EGLN1: variants seen among roughly 807,000 people sequenced by gnomAD.
The protein encoded by EGLN1 is egl nine homolog 1.
EGLN1 carries 17 observed loss-of-function variants against 38.3 expected under a neutral mutation model. That is an observed-to-expected ratio of 0.44 (90% CI 0.30 to 0.67). The LOEUF is 0.67. Ranked by LOEUF, EGLN1 falls within the 30% of genes least tolerant of loss-of-function variation. The pLI is 0.08. For synonymous variants in EGLN1, 283 were observed against 257.5 expected, an observed-to-expected ratio of 1.10 and a Z score of -0.95; for missense variants, 477 against 603.3, an observed-to-expected ratio of 0.79 and a Z score of 2.19.
At position 231,388,758 on chromosome 1, in the gene EGLN1, G is replaced by A. The variant is rs536101506; in HGVS notation, c.892-14659C>T. Reference sequence around the variant, plus strand: ...CAACCTCCGCCTCCTGAGTTCAAGCGATTCTCCTGCCTCAGCCTCCCAAGC... The same window carrying A: ...CAACCTCCGCCTCCTGAGTTCAAGCAATTCTCCTGCCTCAGCCTCCCAAGC... On this transcript the variant is annotated intron_variant, in intron 1 of 4. Coordinates refer to ENST00000366641, the MANE Select transcript of EGLN1 (RefSeq NM_022051.3). 2.0e-5 allele frequency among the ~76,000 whole-genome samples: 3 copies of A among 152,144 alleles called. No individual in the cohort carries two copies. The South Asian group carries it at 6.2e-4, about 32-fold the overall frequency.
intron 4 of EGLN1, 77 bp downstream of exon 4, chr1:231,367,492 G>T: frequency 1.4e-6 from 2 of 1,399,836 alleles, no homozygotes; most frequent in Non-Finnish European, 2.0e-6. Flanking sequence ...CAAAGACTAT[G>T]CTTGAGTTTC....
At position 231,366,610 on chromosome 1, in the gene EGLN1, T is replaced by C. The variant is rs1343554622; in HGVS notation, c.1217-135A>G. The C allele has an allele frequency of 4.5e-6, 4 of 898,218 alleles. No individual in the cohort carries two copies. The African/African-American group carries it at 5.1e-5, about 11-fold the overall frequency. The allele number at this position is 898,218 out of a possible 1,614,324, so 55.6% of individuals were successfully genotyped here. ...AAACATCATCTGAGAACTATCACGC[T>C]TGTACTTCCAAAAACTTCCCTCAGC... On this transcript the variant is annotated intron_variant, in intron 4 of 4. Coordinates refer to ENST00000366641, the MANE Select transcript of EGLN1 (RefSeq NM_022051.3).
rs553102011 is a variant in EGLN1 at position 231,389,415 on chromosome 1, T to A, written c.892-15316A>T. On this transcript the variant is annotated intron_variant, in intron 1 of 4. Transcript: ENST00000366641. Reference sequence around the variant, plus strand: ...CGAACGTTGACAAAATGAAAAAAAATTTTTTTTTAAAGAAAAGTGGCCAAA... The same window carrying A: ...CGAACGTTGACAAAATGAAAAAAAAATTTTTTTTAAAGAAAAGTGGCCAAA... Among the ~76,000 whole-genome samples the A allele has an allele frequency of 1.9e-3, 268 of 140,988 alleles. 2 individuals are homozygous for A. The highest frequency in any genetic ancestry group is 7.8e-3 in the African/African-American group (251 of 32,310). The allele number at this position is 140,988 out of a possible 152,430, so 92.5% of individuals were successfully genotyped here. A position where few individuals can be genotyped will look rare whatever the true frequency, so the allele number is the denominator to read the frequency against.
intron 1 of EGLN1, among the ~76,000 whole-genome samples, chr1:231,391,088 T>G (rs58266664): frequency 0.044 from 1,514 of 34,352 alleles, 119 homozygotes; most frequent in African/African-American, 0.091. Context: ...ATTCTGTTTT[T>G]TTTTTGTGTG....
intron 1 of EGLN1, among the ~76,000 whole-genome samples, chr1:231,376,629 G>T (rs1022670298): frequency 2.6e-5 from 4 of 152,024 alleles, no homozygotes; most frequent in Admixed American, 6.6e-5. Context: ...GATAAGAGGG[G>T]ACTATTGTAC....
At chr1:231,394,002 T>C (rs1228321761) in intron 1 of EGLN1, among the ~76,000 whole-genome samples, 2 of 152,224 alleles carry the variant, frequency 1.3e-5, no homozygotes, top group Admixed American at 6.5e-5. Context: ...TCAGGATATG[T>C]AGCCTTTTCA....
At chr1:231,397,293 A>T (rs900467237) in intron 1 of EGLN1, among the ~76,000 whole-genome samples, 4 of 152,238 alleles carry the variant, frequency 2.6e-5, no homozygotes, top group Non-Finnish European at 4.4e-5. Context: ...TTATGTTATT[A>T]AAAGAATGTT....
chr1:231,401,165 A>T (rs891420504), intron 1 of EGLN1, among the ~76,000 whole-genome samples: 1 of 152,200 alleles, frequency 6.6e-6, no homozygotes, highest in Non-Finnish European at 1.5e-5. Context: ...TTAACTTCAC[A>T]TGTCTTAGCT....
At chr1:231,400,306 T>C (rs931312085) in intron 1 of EGLN1, among the ~76,000 whole-genome samples, 5 of 34,876 alleles carry the variant, frequency 1.4e-4, no homozygotes, top group Non-Finnish European at 2.4e-4. Flanking sequence ...ATAGTAGGTA[T>C]ATATATATTT....
At chr1:231,406,159 C>G (rs1266852489) in intron 1 of EGLN1, among the ~76,000 whole-genome samples, 1 of 62,136 alleles carries the variant, frequency 1.6e-5, no homozygotes, top group Non-Finnish European at 4.0e-5. Flanking sequence ...CAGAGAGACT[C>G]CGTCTCAAAA....
intron 1 of EGLN1, among the ~76,000 whole-genome samples, chr1:231,384,257 G>A (rs555492117): frequency 7.9e-5 from 12 of 152,170 alleles, no homozygotes; most frequent in Admixed American, 1.3e-4. Flanking sequence ...GTCAGGCACT[G>A]TTCTAGATCT....
At chr1:231,404,612 T>TA (rs376694281) in intron 1 of EGLN1, among the ~76,000 whole-genome samples, 1,635 of 150,554 alleles carry the variant, frequency 0.011, 22 homozygotes, top group African/African-American at 0.037. Context: ...ACCCCGTCTC[T>TA]AAAAAAAAAA....
intron 1 of EGLN1, among the ~76,000 whole-genome samples, chr1:231,385,243 G>A (rs933897180): frequency 1.3e-5 from 2 of 152,222 alleles, no homozygotes; most frequent in African/African-American, 4.8e-5. Context: ...CTGGACAATG[G>A]GAGAGATCAG....
chr1:231,416,346 C>T (rs1368904133), intron 1 of EGLN1, among the ~76,000 whole-genome samples: 2 of 151,890 alleles, frequency 1.3e-5, no homozygotes, highest in Non-Finnish European at 2.9e-5. Flanking sequence ...TTATCATCTC[C>T]TCCTCCTCCA....
At chr1:231,394,395 T>TC (rs1190275760) in intron 1 of EGLN1, among the ~76,000 whole-genome samples, 1 of 151,708 alleles carries the variant, frequency 6.6e-6, no homozygotes, top group African/African-American at 2.4e-5. Context: ...TTTTTTTTTT[T>TC]TGAGACGGAG....
At chr1:231,406,212 A>T (rs1167448036) in intron 1 of EGLN1, among the ~76,000 whole-genome samples, 2 of 151,332 alleles carry the variant, frequency 1.3e-5, no homozygotes, top group African/African-American at 4.9e-5. Flanking sequence ...TGCCAGTTAC[A>T]AGGAAAAACA....
chr1:231,395,824 C>T (rs1688510071), intron 1 of EGLN1, among the ~76,000 whole-genome samples: 1 of 152,086 alleles, frequency 6.6e-6, no homozygotes, highest in Non-Finnish European at 1.5e-5. Flanking sequence ...CATGCCAGAC[C>T]TACTGATTCA....
chr1:231,392,657 G>A (rs1688422407), intron 1 of EGLN1, among the ~76,000 whole-genome samples: 1 of 152,136 alleles, frequency 6.6e-6, no homozygotes, highest in African/African-American at 2.4e-5. Context: ...AAAAACCTAT[G>A]GTGAGGATAA....
chr1:231,373,841 TA>T, intron 2 of EGLN1, 138 bp downstream of exon 2: 2 of 918,178 alleles, frequency 2.2e-6, no homozygotes, highest in Non-Finnish European at 3.4e-6. Flanking sequence ...AATCCACTCC[TA>T]ATACCTGAGA....
Sources: allele counts gnomAD v4.1 joint callset (sites outside exome capture counted in the v4.1 genomes callset), GRCh38; gene constraint gnomAD v4.1.1; transcripts MANE v1.5; gene names NCBI Gene and HGNC (gene_info 2026-07-23, HGNC 2026-07-21).